Variants in RIMBP2 observed in about 807,000 individuals in gnomAD.
RIMBP2 encodes the protein RIMS-binding protein 2.
Under a neutral mutation model 118.6 loss-of-function variants are expected in RIMBP2, and 48 were observed. The observed-to-expected ratio is 0.40, with a 90% CI of 0.32 to 0.51. RIMBP2 has a LOEUF of 0.51. RIMBP2 is among the 20% of genes least tolerant of loss of function. The pLI is 0.41. For missense variants in RIMBP2, 1,551 were observed against 1,768.3 expected (o/e 0.88, Z 2.20); for synonymous variants, 762 against 742.9 (o/e 1.03, Z -0.42).
Position 130,578,696 on chromosome 12 carries a change from C to G in RIMBP2, c.-217+49626G>C, listed in dbSNP as rs1402046833. Among the ~76,000 whole-genome samples the G allele has an allele frequency of 1.3e-5, 2 of 152,186 alleles. No individual in the cohort carries two copies. The highest frequency in any genetic ancestry group is 4.8e-5 in the African/African-American group (2 of 41,440). ...CTTCTCAGAGACTTCCCCTCGCTAC[C>G]CAACGACCGAGTCCCTCACCCTGCC... On this transcript the variant is annotated intron_variant, in intron 2 of 22. Transcript: ENST00000690449. This position sits in a 1 kb window ranked among gnomAD's most constrained non-coding sequence, Gnocchi z 4.1.
chr12:130,589,298 A>C (rs1444968723), intron 2 of RIMBP2, among the ~76,000 whole-genome samples: 1 of 152,192 alleles, frequency 6.6e-6, no homozygotes, highest in African/African-American at 2.4e-5. Flanking sequence ...CACACATACA[A>C]CACACGCTTT....
At chr12:130,477,129 T>C (rs1195397624) in intron 5 of RIMBP2, among the ~76,000 whole-genome samples, 1 of 152,184 alleles carries the variant, frequency 6.6e-6, no homozygotes, top group Non-Finnish European at 1.5e-5. Context: ...GAAGCATCAG[T>C]GTGTCCAAAA....
chr12:130,644,214 C>G (rs1046206065), intron 1 of RIMBP2, among the ~76,000 whole-genome samples: 1 of 152,128 alleles, frequency 6.6e-6, no homozygotes. Flanking sequence ...AACAAGGCCT[C>G]GAACTCACTC....
intron 2 of RIMBP2, among the ~76,000 whole-genome samples, chr12:130,605,066 TC>T (rs1243552660): frequency 4.6e-5 from 7 of 152,004 alleles, no homozygotes; most frequent in Non-Finnish European, 1.5e-5. Flanking sequence ...TGCGGTAGAC[TC>T]CCCGGCTAGG....
At chr12:130,417,865 G>GT (rs763749052) in intron 17 of RIMBP2, among the ~76,000 whole-genome samples, 1 of 93,186 alleles carries the variant, frequency 1.1e-5, no homozygotes. Context: ...GAGAGAGAAT[G>GT]GGAGGGGAGA....
chr12:130,441,401 AAATAAT>A (rs58605863), intron 11 of RIMBP2, among the ~76,000 whole-genome samples: 23,152 of 122,474 alleles, frequency 0.19, 2,252 homozygotes, highest in Non-Finnish European at 0.26. Context: ...ACTCCATCTC[AAATAAT>A]AATAATAATA....
chr12:130,695,014 TC>T (rs2065500623), intron 1 of RIMBP2, among the ~76,000 whole-genome samples: 1 of 152,190 alleles, frequency 6.6e-6, no homozygotes, highest in Non-Finnish European at 1.5e-5. Context: ...TCAGTGTCGC[TC>T]CCATTATGAA....
Position 130,523,099 on chromosome 12 carries a change from C to A in RIMBP2, c.-216-5182G>T, listed in dbSNP as rs1206071970. Among the ~76,000 whole-genome samples, 2 of 151,830 alleles carry A rather than the reference C, an allele frequency of 1.3e-5. No homozygotes were observed. Among genetic ancestry groups the A allele is most frequent in the African/African-American group, 4.8e-5 (2 of 41,326 alleles). On this transcript the variant is annotated intron_variant, in intron 2 of 22. Coordinates refer to ENST00000690449, the MANE Select transcript of RIMBP2 (RefSeq NM_001393629.1). The surrounding 1 kb of genome is among the most constrained non-coding windows in gnomAD (Gnocchi z 4.4). ...CTGTCTCCACGTCTCTGTTTCTCTG[C>A]TTCTTCTGTCTCTCCCAGTCTCACT...
chr12:130,553,846 C>T (rs543306476), intron 2 of RIMBP2, among the ~76,000 whole-genome samples: 5 of 152,180 alleles, frequency 3.3e-5, no homozygotes, highest in Non-Finnish European at 7.3e-5. Flanking sequence ...CCAAACTCTA[C>T]ATAAAGATGG....
intron 4 of RIMBP2, among the ~76,000 whole-genome samples, chr12:130,483,175 C>G (rs141547196): frequency 2.8e-4 from 30 of 106,582 alleles, no homozygotes; most frequent in African/African-American, 8.8e-4. Flanking sequence ...CAAATACACC[C>G]ACTGTGTGTG....
chr12:130,687,551 T>A (rs978002276), intron 1 of RIMBP2, among the ~76,000 whole-genome samples: 2 of 152,218 alleles, frequency 1.3e-5, no homozygotes, highest in Non-Finnish European at 2.9e-5. Context: ...GTGATGTGTA[T>A]TTTCCTAGAT....
intron 2 of RIMBP2, among the ~76,000 whole-genome samples, chr12:130,546,286 T>TGTTA (rs2055157190): frequency 6.6e-6 from 1 of 151,782 alleles, no homozygotes; most frequent in South Asian, 2.1e-4. Flanking sequence ...TTGTGTTTTT[T>TGTTA]GTTAGTTAGT....
At chr12:130,449,725 C>A (rs762641203) in intron 9 of RIMBP2, among the ~76,000 whole-genome samples, 1 of 152,038 alleles carries the variant, frequency 6.6e-6, no homozygotes, top group Non-Finnish European at 1.5e-5. Context: ...AGATTCCAAT[C>A]CAGGGAAGGG....
At chr12:130,633,347 G>C (rs149388051) in intron 1 of RIMBP2, among the ~76,000 whole-genome samples, 2 of 152,310 alleles carry the variant, frequency 1.3e-5, no homozygotes, top group East Asian at 3.9e-4. Flanking sequence ...TCTAATGCCA[G>C]TTCTGTGATG....
intron 4 of RIMBP2, among the ~76,000 whole-genome samples, chr12:130,486,063 C>T (rs1169807335): frequency 6.6e-6 from 1 of 152,040 alleles, no homozygotes; most frequent in Non-Finnish European, 1.5e-5. Flanking sequence ...TCTGCAAAGC[C>T]CTCATCCCCC....
chr12:130,690,074 G>A (rs1003987781), intron 1 of RIMBP2, among the ~76,000 whole-genome samples: 9 of 152,176 alleles, frequency 5.9e-5, no homozygotes, highest in Non-Finnish European at 1.2e-4. Context: ...CAGTGCCTTC[G>A]GGTCCTCACT....
At chr12:130,535,751 A>G (rs796325738) in intron 2 of RIMBP2, among the ~76,000 whole-genome samples, 14 of 31,474 alleles carry the variant, frequency 4.4e-4, no homozygotes, top group Admixed American at 8.5e-4. Context: ...ATATATATAT[A>G]TATATATATA....
intron 6 of RIMBP2, chr12:130,465,280 A>G (rs1273615880): frequency 2.0e-5 from 3 of 152,228 alleles, no homozygotes; most frequent in Admixed American, 6.5e-5. Flanking sequence ...GGCTGACATC[A>G]CCTGAGGTTC....
intron 15 of RIMBP2, chr12:130,426,060 A>G (rs1370627857): frequency 6.6e-6 from 1 of 152,304 alleles, no homozygotes; most frequent in Non-Finnish European, 1.5e-5. Flanking sequence ...AACCATCCTT[A>G]GAGGACAGGG....
Sources: allele counts gnomAD v4.1 joint callset (sites outside exome capture counted in the v4.1 genomes callset), GRCh38; gene constraint gnomAD v4.1.1; non-coding constraint Gnocchi (gnomAD v3.1); transcripts MANE v1.5; gene names NCBI Gene and HGNC (gene_info 2026-07-23, HGNC 2026-07-21).